Variants in PPP2R5C observed in about 807,000 individuals in gnomAD.
PPP2R5C encodes the protein protein phosphatase 2 regulatory subunit B'gamma.
A neutral mutation model predicts 68.9 loss-of-function variants in PPP2R5C; 7 were observed. The ratio of observed to expected loss-of-function variants is 0.10; its 90% CI spans 0.06 to 0.19. The LOEUF is 0.19. PPP2R5C is among the 10% of genes least tolerant of loss of function. The pLI, the probability that PPP2R5C is intolerant of heterozygous loss-of-function variation, is 1.00. For missense variants in PPP2R5C, 348 were observed against 641.3 expected (o/e 0.54, Z 4.94); for synonymous variants, 210 against 222.2 (o/e 0.95, Z 0.49).
intron 7 of PPP2R5C, among the ~76,000 whole-genome samples, chr14:101,894,125 A>G (rs996446927): frequency 6.6e-6 from 1 of 152,256 alleles, no homozygotes; most frequent in Non-Finnish European, 1.5e-5. Flanking sequence ...CCAGATTATC[A>G]TATTGTTGTA....
chr14:101,825,866 G>C lies in PPP2R5C; in HGVS notation c.94+15830G>C, dbSNP rs561192870. On this transcript the variant is annotated intron_variant, in intron 1 of 13. Coordinates refer to ENST00000334743, the Ensembl canonical transcript of PPP2R5C. This position sits in a 1 kb window ranked among gnomAD's most constrained non-coding sequence, Gnocchi z 4.0. The stretch of plus-strand genomic sequence containing the variant: ...GGGGAAGGTAGGACCTCATGGCTTT[G>C]GTTTTTCTGGTGGTCCAAGAGAGGA... 6.6e-6 allele frequency among the ~76,000 whole-genome samples: 1 copy of C among 152,104 alleles called. No homozygotes were observed. Among genetic ancestry groups the C allele is most frequent in the Non-Finnish European group, 1.5e-5 (1 of 68,022 alleles).
chr14:101,869,396 T>A (rs2043257825), intron 2 of PPP2R5C, among the ~76,000 whole-genome samples: 1 of 152,210 alleles, frequency 6.6e-6, no homozygotes, highest in Non-Finnish European at 1.5e-5. Context: ...TATAAATACT[T>A]ACATACCGAT....
chr14:101,787,496 G>A (rs1453880766), intron 3 of PPP2R5C, among the ~76,000 whole-genome samples: 6 of 152,168 alleles, frequency 3.9e-5, no homozygotes, highest in East Asian at 1.9e-4. Flanking sequence ...GGGCGCAGTG[G>A]CTCATGCCTG....
At position 101,910,554 on chromosome 14, in the gene PPP2R5C, C is replaced by T. The variant is rs1481643783; in HGVS notation, c.1253+864C>T. On this transcript the variant is annotated intron_variant, in intron 11 of 13. Coordinates refer to ENST00000334743, the Ensembl canonical transcript of PPP2R5C. Reference sequence around the variant, plus strand: ...CCCACAAAAATCCTTGCCCCTGGGCCGGGTGCGGTGGCTCACGCCTGTAAT... The same window carrying T: ...CCCACAAAAATCCTTGCCCCTGGGCTGGGTGCGGTGGCTCACGCCTGTAAT... Among the ~76,000 whole-genome samples, 7 of 152,204 alleles carry T rather than the reference C, an allele frequency of 4.6e-5. No homozygotes were observed. In the South Asian group the frequency reaches 8.3e-4, roughly 18 times the overall value.
At position 101,905,544 on chromosome 14, in the gene PPP2R5C, C is replaced by T. The variant is rs748223608; in HGVS notation, c.1024-858C>T. On this transcript the variant is annotated intron_variant, in intron 9 of 13. Coordinates refer to ENST00000334743, the Ensembl canonical transcript of PPP2R5C. The stretch of plus-strand genomic sequence containing the variant: ...TGGTGGCGTGCGCCTGTAATCCCAG[C>T]CCCTCAGGAGGCTGAGGCAGGAGAA... Among the ~76,000 whole-genome samples the T allele has an allele frequency of 2.0e-5, 3 of 151,958 alleles. No individual in the cohort carries two copies. In the East Asian group the frequency reaches 5.8e-4, roughly 29 times the overall value.
chr14:101,829,321 CTTT>C (rs1259468193), intron 1 of PPP2R5C, among the ~76,000 whole-genome samples: 1 of 152,132 alleles, frequency 6.6e-6, no homozygotes, highest in African/African-American at 2.4e-5. Flanking sequence ...AGTACAACAT[CTTT>C]TTAACTCTTT....
intron 2 of PPP2R5C, among the ~76,000 whole-genome samples, chr14:101,868,715 G>T (rs2043225507): frequency 6.6e-6 from 1 of 152,256 alleles, no homozygotes; most frequent in South Asian, 2.1e-4. Context: ...AAGACACCAA[G>T]GGCATTGTGA....
Position 101,883,180 on chromosome 14 carries a change from A to G in PPP2R5C, c.406-77A>G, listed in dbSNP as rs927777580. Reference sequence around the variant, plus strand: ...GGCTAATATTTGCATACCAATAAAGATTCAATTTCTGGTATATTTTAACCG... The same window carrying G: ...GGCTAATATTTGCATACCAATAAAGGTTCAATTTCTGGTATATTTTAACCG... On this transcript the variant is annotated intron_variant, in intron 3 of 13. Coordinates refer to ENST00000334743, the Ensembl canonical transcript of PPP2R5C. 2.9e-6 allele frequency: 3 copies of G among 1,025,994 alleles called. No individual in the cohort carries two copies. The African/African-American group carries it at 4.9e-5, about 17-fold the overall frequency. The allele number at this position is 1,025,994 out of a possible 1,614,324, so 63.6% of individuals were successfully genotyped here.
chr14:101,777,101 G>A (rs982951736), intron 2 of PPP2R5C, among the ~76,000 whole-genome samples: 2 of 151,476 alleles, frequency 1.3e-5, no homozygotes, highest in African/African-American at 2.4e-5. Flanking sequence ...GGATGGTCTC[G>A]AGCTCCTGAC....
At chr14:101,765,085 G>A in intron 2 of PPP2R5C, 1 of 681,568 alleles carries the variant, frequency 1.5e-6, no homozygotes, top group African/African-American at 1.8e-5. Context: ...TGCCAGCCGT[G>A]TGAGACCTGC....
At chr14:101,812,258 G>A (rs1010446836) in intron 1 of PPP2R5C, among the ~76,000 whole-genome samples, 10 of 152,182 alleles carry the variant, frequency 6.6e-5, no homozygotes, top group Admixed American at 1.3e-4. Context: ...CCAAAGGAGC[G>A]AATGGAGAGA....
At chr14:101,806,594 A>G (rs1219683529), upstream of PPP2R5C, among the ~76,000 whole-genome samples, 2 of 152,158 alleles carry the variant, frequency 1.3e-5, no homozygotes, top group Non-Finnish European at 2.9e-5. Flanking sequence ...ATCAATTATA[A>G]TATTATTAAC....
exon 9 of PPP2R5C, chr14:101,901,805 T>C: frequency 6.2e-7 from 1 of 1,614,118 alleles, no homozygotes; most frequent in Non-Finnish European, 8.5e-7. Context: ...AGATTTTAGA[T>C]GTCATTGAAC....
chr14:101,923,817 G>A (rs773626965), intron 13 of PPP2R5C, among the ~76,000 whole-genome samples: 5 of 117,952 alleles, frequency 4.2e-5, no homozygotes, highest in Non-Finnish European at 7.0e-5. Flanking sequence ...TTTACATTCA[G>A]GACTTCTGCA....
chr14:101,866,095 A>C (rs1012757712), intron 2 of PPP2R5C, among the ~76,000 whole-genome samples: 2 of 152,108 alleles, frequency 1.3e-5, no homozygotes, highest in African/African-American at 4.8e-5. Flanking sequence ...GGGTTTCACC[A>C]TGTTGGCCAG....
exon 14 of PPP2R5C, chr14:101,927,557 G>T (rs1193910836): frequency 6.6e-6 from 1 of 152,598 alleles, no homozygotes; most frequent in Non-Finnish European, 1.5e-5. Flanking sequence ...TTTCCAAAAT[G>T]TATCTGTACA....
intron 3 of PPP2R5C, among the ~76,000 whole-genome samples, chr14:101,791,173 G>C (rs892816737): frequency 6.6e-6 from 1 of 152,198 alleles, no homozygotes; most frequent in Non-Finnish European, 1.5e-5. Flanking sequence ...CAATGTATGA[G>C]GGCTCTGATG....
chr14:101,849,778 A>G (rs2042044797), intron 1 of PPP2R5C, among the ~76,000 whole-genome samples: 1 of 152,056 alleles, frequency 6.6e-6, no homozygotes, highest in African/African-American at 2.4e-5. Context: ...AACGTGTTGA[A>G]AGGCCGACTT....
chr14:101,876,357 G>A (rs920704792), intron 2 of PPP2R5C, among the ~76,000 whole-genome samples: 11 of 151,538 alleles, frequency 7.3e-5, no homozygotes, highest in African/African-American at 2.7e-4. Context: ...GTTTTGAACA[G>A]AGAACTGTAA....
Sources: gnomAD v4.1 joint callset for allele counts (sites outside exome capture counted in the v4.1 genomes callset) on GRCh38, gnomAD v4.1.1 for gene constraint, Gnocchi (gnomAD v3.1) non-coding constraint, MANE v1.5 for transcripts, NCBI Gene and HGNC (gene_info 2026-07-23, HGNC 2026-07-21) for gene names.